Variants in SORCS2 observed in about 807,000 individuals in gnomAD.
SORCS2 encodes VPS10 domain-containing receptor SorCS2.
Under a neutral mutation model 141.6 loss-of-function variants are expected in SORCS2, and 100 were observed. That is an observed-to-expected ratio of 0.71 (90% confidence interval 0.60 to 0.83). The LOEUF (loss-of-function observed/expected upper bound fraction) is 0.83. Among genes scored for constraint, SORCS2 ranks in the 40% least tolerant of loss-of-function variants. The pLI is 0.00. For missense variants in SORCS2, 1,646 were observed against 1,560.2 expected (o/e 1.05, Z -0.93); for synonymous variants, 789 against 676.9 (o/e 1.17, Z -2.57).
intron 1 of SORCS2, among the ~76,000 whole-genome samples, chr4:7,306,526 G>A (rs1392064431): frequency 6.6e-6 from 1 of 152,224 alleles, no homozygotes; most frequent in Non-Finnish European, 1.5e-5. Flanking sequence ...TCAGAACAGA[G>A]GGGCTGGGTT....
intron 2 of SORCS2, among the ~76,000 whole-genome samples, chr4:7,512,251 A>G (rs1732704262): frequency 6.6e-6 from 1 of 151,748 alleles, no homozygotes; most frequent in Non-Finnish European, 1.5e-5. Context: ...CTGTGGCCGC[A>G]TCTCGAAGTC....
chr4:7,630,022 G>A (rs1336476392), intron 3 of SORCS2, among the ~76,000 whole-genome samples: 3 of 152,054 alleles, frequency 2.0e-5, no homozygotes, highest in Admixed American at 2.0e-4. Flanking sequence ...TCTGCCCAAG[G>A]CCAGGTCACC....
chr4:7,701,825 C>G (rs76793206), intron 12 of SORCS2, among the ~76,000 whole-genome samples: 29 of 152,316 alleles, frequency 1.9e-4, no homozygotes, highest in African/African-American at 7.0e-4. Context: ...GGCGCAGATG[C>G]TTCTCTTTCC....
At chr4:7,602,784 G>A (rs1717814306) in intron 3 of SORCS2, among the ~76,000 whole-genome samples, 1 of 152,202 alleles carries the variant, frequency 6.6e-6, no homozygotes, top group Non-Finnish European at 1.5e-5. Flanking sequence ...TGCAATCTCG[G>A]CACTTTGGGA....
At chr4:7,204,424 C>T (rs981056229) in intron 1 of SORCS2, among the ~76,000 whole-genome samples, 5 of 152,092 alleles carry the variant, frequency 3.3e-5, no homozygotes, top group Non-Finnish European at 5.9e-5. Flanking sequence ...TGCTGTATTG[C>T]CCAGGCTGGT....
At chr4:7,355,744 G>A (rs755338253) in intron 1 of SORCS2, among the ~76,000 whole-genome samples, 18 of 152,228 alleles carry the variant, frequency 1.2e-4, no homozygotes, top group Non-Finnish European at 2.4e-4. Context: ...CTTCAGCGGC[G>A]CTGGGAAACG....
intron 1 of SORCS2, among the ~76,000 whole-genome samples, chr4:7,326,764 C>T (rs888105698): frequency 1.3e-5 from 2 of 152,342 alleles, no homozygotes; most frequent in African/African-American, 4.8e-5. Context: ...GTGACCCAGG[C>T]CCTGGTCAGG....
At chr4:7,620,813 T>TG (rs34772784) in intron 3 of SORCS2, among the ~76,000 whole-genome samples, 4 of 152,104 alleles carry the variant, frequency 2.6e-5, no homozygotes, top group African/African-American at 7.2e-5. Context: ...GGTCTCACGG[T>TG]GGGGGGTCTC....
At chr4:7,700,420 G>A (rs982949503) in intron 12 of SORCS2, among the ~76,000 whole-genome samples, 138 of 152,138 alleles carry the variant, frequency 9.1e-4, no homozygotes, top group African/African-American at 2.8e-3. Context: ...CTATGAATCT[G>A]TAGGGGCCAG....
intron 3 of SORCS2, among the ~76,000 whole-genome samples, chr4:7,583,435 A>T (rs1716298728): frequency 6.6e-6 from 1 of 152,206 alleles, no homozygotes; most frequent in African/African-American, 2.4e-5. Flanking sequence ...ATAATAAAGT[A>T]GGCCTCCCAC....
intron 1 of SORCS2, among the ~76,000 whole-genome samples, chr4:7,271,618 A>C (rs1715135999): frequency 1.3e-5 from 2 of 152,114 alleles, no homozygotes; most frequent in Non-Finnish European, 2.9e-5. Context: ...CATCGACTTC[A>C]TCATCCTGTC....
chr4:7,342,585 G>A (rs1720426576), intron 1 of SORCS2, among the ~76,000 whole-genome samples: 1 of 152,116 alleles, frequency 6.6e-6, no homozygotes, highest in South Asian at 2.1e-4. Context: ...AAGGGAGGTG[G>A]AGGCGAACCT....
intron 1 of SORCS2, among the ~76,000 whole-genome samples, chr4:7,358,495 G>A (rs568263850): frequency 3.3e-5 from 5 of 152,220 alleles, no homozygotes; most frequent in Admixed American, 2.6e-4. Context: ...AGCTTGCCAG[G>A]CCCACGTGCC....
intron 1 of SORCS2, among the ~76,000 whole-genome samples, chr4:7,287,326 C>T (rs1399131411): frequency 6.6e-6 from 1 of 152,226 alleles, no homozygotes; most frequent in East Asian, 1.9e-4. Flanking sequence ...CAGCTGTACC[C>T]TGTCCCTCCT....
At chr4:7,373,240 C>T (rs1393049273) in intron 1 of SORCS2, among the ~76,000 whole-genome samples, 2 of 151,394 alleles carry the variant, frequency 1.3e-5, no homozygotes, top group Admixed American at 6.6e-5. Flanking sequence ...TCCTCTTCAG[C>T]ACTTTTTTCA....
At chr4:7,655,527 C>A (rs755707955) in intron 5 of SORCS2, among the ~76,000 whole-genome samples, 1 of 152,236 alleles carries the variant, frequency 6.6e-6, no homozygotes, top group Non-Finnish European at 1.5e-5. Context: ...AGGAGACTGG[C>A]GTCCTGGCCA....
intron 1 of SORCS2, among the ~76,000 whole-genome samples, chr4:7,244,962 AG>A (rs1159844674): frequency 6.6e-6 from 1 of 152,110 alleles, no homozygotes; most frequent in Non-Finnish European, 1.5e-5. Context: ...GGCAGTTGGA[AG>A]GGGGGTGGCT....
rs554967158 is a variant in SORCS2 at position 7,538,373 on chromosome 4, C to T, written c.648+6744C>T. On this transcript the variant is annotated intron_variant, in intron 3 of 26. Coordinates refer to ENST00000507866, the MANE Select transcript of SORCS2 (RefSeq NM_020777.3). ...CCTGGGGGCCCTGACGACCCCCACA[C>T]ATCCCCTGCAATGCTCAGATCAGCT... Among the ~76,000 whole-genome samples, 11 of 152,342 alleles carry T rather than the reference C, an allele frequency of 7.2e-5. No individual in the cohort carries two copies. The South Asian group carries it at 2.3e-3, about 32-fold the overall frequency.
At chr4:7,350,681 G>T (rs1457175525) in intron 1 of SORCS2, among the ~76,000 whole-genome samples, 1 of 152,230 alleles carries the variant, frequency 6.6e-6, no homozygotes, top group South Asian at 2.1e-4. Context: ...GCCCGTGGGA[G>T]GCCTGAGATT....
Sources: gnomAD v4.1 joint callset for allele counts (sites outside exome capture counted in the v4.1 genomes callset) on GRCh38, gnomAD v4.1.1 for gene constraint, MANE v1.5 for transcripts, NCBI Gene and HGNC (gene_info 2026-07-23, HGNC 2026-07-21) for gene names.